The following COL5A2 variants were observed in gnomAD, a reference collection of about 807,000 sequenced individuals.
COL5A2 encodes the protein collagen alpha-2(V) chain.
In COL5A2, 23 loss-of-function variants were observed where a neutral mutation model predicts 208.2. The observed-to-expected ratio is 0.11, with a 90% CI of 0.08 to 0.16. COL5A2 has a LOEUF of 0.16. COL5A2 is among the 10% of genes least tolerant of loss of function. COL5A2 has a pLI of 1.00. For synonymous variants in COL5A2, 625 were observed against 628.5 expected, an observed-to-expected ratio of 0.99 and a Z score of 0.08; for missense variants, 1,590 against 1,956.4, an observed-to-expected ratio of 0.81 and a Z score of 3.53.
chr2:189,079,861 CCATT>C, intron 14 of COL5A2, 113 bp downstream of exon 14: 9 of 871,184 alleles, frequency 1.0e-5, no homozygotes, highest in Non-Finnish European at 1.4e-5. Flanking sequence ...ATTTACCTAA[CCATT>C]TGTTTGTAGC....
chr2:189,424,250 C>T, the COL5A2 span, among the ~76,000 whole-genome samples: 1 of 152,052 alleles, frequency 6.6e-6, no homozygotes, highest in Non-Finnish European at 1.5e-5. Flanking sequence ...AAAAATTAAA[C>T]CTTTTCTTTT....
chr2:189,359,035 C>G, the COL5A2 span, among the ~76,000 whole-genome samples: 2 of 152,124 alleles, frequency 1.3e-5, no homozygotes, highest in East Asian at 3.8e-4. Context: ...TATTTAACTT[C>G]TCCTTTCCCA....
upstream of COL5A2, among the ~76,000 whole-genome samples, chr2:189,181,505 G>A (rs573764151): frequency 3.3e-5 from 5 of 151,930 alleles, no homozygotes; most frequent in African/African-American, 7.2e-5. Flanking sequence ...AAGTAAATGT[G>A]GGGGGGAGGA....
chr2:189,342,640 A>AAC, the COL5A2 span, among the ~76,000 whole-genome samples: 20,251 of 143,366 alleles, frequency 0.14, 1,592 homozygotes, highest in South Asian at 0.19. Flanking sequence ...AGAGAGCTAA[A>AAC]ACACACACAC....
intron 1 of COL5A2, among the ~76,000 whole-genome samples, chr2:189,128,006 T>C (rs1043426129): frequency 6.6e-6 from 1 of 151,920 alleles, no homozygotes; most frequent in African/African-American, 2.4e-5. Flanking sequence ...AAATGGTAAG[T>C]GTAGGAAAGA....
chr2:189,367,619 C>T, the COL5A2 span, among the ~76,000 whole-genome samples: 5 of 152,276 alleles, frequency 3.3e-5, no homozygotes, highest in South Asian at 8.3e-4. Context: ...GCTTCTTCCC[C>T]AGAGCTTAGC....
chr2:189,295,609 A>G, the COL5A2 span, among the ~76,000 whole-genome samples: 5 of 152,128 alleles, frequency 3.3e-5, no homozygotes, highest in Non-Finnish European at 5.9e-5. Flanking sequence ...AATGAGACTC[A>G]GTCTCAAAAA....
At chr2:189,247,025 C>A in the COL5A2 span, among the ~76,000 whole-genome samples, 18 of 152,300 alleles carry the variant, frequency 1.2e-4, no homozygotes, top group Admixed American at 3.9e-4. Context: ...AACTGTCCCT[C>A]TACTTCCACA....
intron 19 of COL5A2, 90 bp from the exon 20 acceptor site, chr2:189,068,360 AAGG>A (rs1177816283): frequency 9.0e-7 from 1 of 1,107,536 alleles, no homozygotes; most frequent in Non-Finnish European, 1.4e-6. Context: ...CATCTTCAAA[AAGG>A]AAGTAGAAGC....
the COL5A2 span, among the ~76,000 whole-genome samples, chr2:189,278,195 T>TTCTA: frequency 6.6e-6 from 1 of 152,156 alleles, no homozygotes; most frequent in African/African-American, 2.4e-5. Flanking sequence ...GAACCAGATA[T>TTCTA]TCTACATCTG....
intron 1 of COL5A2, among the ~76,000 whole-genome samples, chr2:189,163,166 T>C (rs1167600758): frequency 6.6e-6 from 1 of 152,186 alleles, no homozygotes; most frequent in African/African-American, 2.4e-5. Context: ...CTTCTCCACC[T>C]GTCCCATTGT....
chr2:189,368,004 A>T, the COL5A2 span, among the ~76,000 whole-genome samples: 1 of 152,268 alleles, frequency 6.6e-6, no homozygotes, highest in South Asian at 2.1e-4. Flanking sequence ...TTTATTTTCC[A>T]ACTCTTCTAC....
rs1402008959 is a variant in COL5A2 at position 189,079,056 on chromosome 2, C to T, written c.1005+7G>A. On this transcript the variant is annotated splice_region_variant and intron_variant, in intron 15 of 53. Coordinates refer to ENST00000374866, the MANE Select transcript of COL5A2 (RefSeq NM_000393.5). The stretch of plus-strand genomic sequence containing the variant: ...GAAATTTAAGAAACAAGAAAACGAG[C>T]ACATACCAGAGGACCCATGGCACCC... 3 of 1,609,982 alleles carry T rather than the reference C, an allele frequency of 1.9e-6. No homozygotes were observed. The highest frequency in any genetic ancestry group is 2.5e-6 in the Non-Finnish European group (3 of 1,176,656).
intron 5 of COL5A2, chr2:189,097,549 A>G: frequency 1.5e-6 from 1 of 679,502 alleles, no homozygotes; most frequent in Non-Finnish European, 2.7e-6. Flanking sequence ...ATGAAGAACT[A>G]GGTGCACATT....
the COL5A2 span, among the ~76,000 whole-genome samples, chr2:189,254,061 T>C: frequency 6.6e-6 from 1 of 152,246 alleles, no homozygotes; most frequent in African/African-American, 2.4e-5. Context: ...CAATACTTAC[T>C]TCTAATGTTT....
Position 189,087,470 on chromosome 2 carries a change from T to C in COL5A2, c.646-700A>G, listed in dbSNP as rs534296634. 3.7e-4 allele frequency among the ~76,000 whole-genome samples: 56 copies of C among 152,096 alleles called. 1 individual carries two copies. The highest frequency in any genetic ancestry group is 1.3e-3 in the African/African-American group (54 of 41,530). On this transcript the variant is annotated intron_variant, in intron 8 of 53. Coordinates refer to ENST00000374866, the MANE Select transcript of COL5A2 (RefSeq NM_000393.5). ...AAATTAAAATCAAATTTATTCTTTTTGGATTTTTTTTTAGACGGAGTCTCC... is the reference window on the plus strand; with the variant it reads ...AAATTAAAATCAAATTTATTCTTTTCGGATTTTTTTTTAGACGGAGTCTCC...
the COL5A2 span, among the ~76,000 whole-genome samples, chr2:189,417,696 GTCTT>G: frequency 2.0e-5 from 3 of 151,852 alleles, no homozygotes; most frequent in African/African-American, 4.8e-5. Flanking sequence ...TGAGATATTT[GTCTT>G]TCTTTGTCTG....
chr2:189,049,405 G>A lies in COL5A2; in HGVS notation c.3089C>T (p.Pro1030Leu). 6.2e-7 allele frequency: 1 copy of A among 1,613,676 alleles called. No homozygotes were observed. ...GCCTGGGGGCCCCACAGGTCCAGGTGGACCTTTATCTCCTGTTGCACCAGT... is the reference window on the plus strand; with the variant it reads ...GCCTGGGGGCCCCACAGGTCCAGGTAGACCTTTATCTCCTGTTGCACCAGT... ...GPTGATGDKG[P>L]PGPVGPPGSN... Residue 1030 changes from proline (P) to leucine (L), a missense_variant, in exon 44 of 54, where the codon CCA (proline) becomes CTA (leucine). Pro to Leu is a moderately conservative substitution (Grantham distance 98, BLOSUM62 -3). Coordinates refer to ENST00000374866, the MANE Select transcript of COL5A2 (RefSeq NM_000393.5).
chr2:189,033,654 A>G lies in COL5A2; in HGVS notation c.*416T>C, dbSNP rs1239869995. The stretch of plus-strand genomic sequence containing the variant: ...TTCTATTTTTCAACTGCAGCCAAGC[A>G]AAATAAACATGTGTTGTGGCTCTAT... On this transcript the variant is annotated 3_prime_UTR_variant, in exon 54 of 54. Transcript: ENST00000374866. 5.3e-6 allele frequency: 1 copy of G among 189,080 alleles called. No individual in the cohort carries two copies. The highest frequency in any genetic ancestry group is 1.1e-5 in the Non-Finnish European group (1 of 89,014). 11.7% of individuals were successfully genotyped at this position (189,080 alleles called of 1,614,324 possible).
Sources: allele counts gnomAD v4.1 joint callset (sites outside exome capture counted in the v4.1 genomes callset), GRCh38; gene constraint gnomAD v4.1.1; transcripts MANE v1.5; gene names NCBI Gene and HGNC (gene_info 2026-07-23, HGNC 2026-07-21).